Variants in UBR3 observed in about 807,000 individuals in gnomAD.
The protein encoded by UBR3 is ubiquitin protein ligase E3 component n-recognin 3.
In UBR3, 85 loss-of-function variants were observed where a neutral mutation model predicts 243.2. The observed-to-expected ratio is 0.35, with a 90% CI of 0.29 to 0.42. UBR3 has a LOEUF of 0.42. Ranked by LOEUF, UBR3 falls within the 10% of genes least tolerant of loss-of-function variation. The pLI, the probability that UBR3 is intolerant of heterozygous loss-of-function variation, is 1.00. For synonymous variants in UBR3, 748 were observed against 799.8 expected (o/e 0.94, Z 1.09); for missense variants, 1,686 against 2,300.8 (o/e 0.73, Z 5.47).
rs1420576020 is a variant in UBR3 at position 169,877,566 on chromosome 2, C to T, written c.917C>T (p.Thr306Ile). The T allele has an allele frequency of 6.5e-7, 1 of 1,549,564 alleles. No individual in the cohort carries two copies. The highest frequency in any genetic ancestry group is 1.4e-5 in the African/African-American group (1 of 72,902). The change falls in exon 4 of 39, where the codon ACA (threonine) becomes ATA (isoleucine). Residue 306 changes from threonine to isoleucine, a missense_variant. Thr to Ile is a moderately conservative substitution (Grantham distance 89). Coordinates refer to ENST00000272793, the MANE Select transcript of UBR3 (RefSeq NM_172070.4). ...ATAGCTTTAAAGAGCTCTGGACTTA[C>T]ATATCCTGAGGATAAGCTTGTATAT... ...YLIALKSSGL[T>I]YPEDKLVYGV...
rs747378016 is a variant in UBR3, at chr2:169,927,359, C to T, written c.2378C>T (p.Ala793Val). ...GAGATTCTCAGGGCCGAGATGGTAGCCCAGCTGTGTATGAATGACAGGACA... is the reference window on the plus strand; with the variant it reads ...GAGATTCTCAGGGCCGAGATGGTAGTCCAGCTGTGTATGAATGACAGGACA... The part of the protein sequence containing the change: ...DDEILRAEMV[A>V]QLCMNDRTHS... Residue 793 changes from alanine (A) to valine (V), a missense_variant, in exon 17 of 39, where the codon GCC becomes GTC. Around this residue, in one of 8 missense-constraint regions of UBR3, gnomAD observed 346 missense variants for 585.8 expected, o/e 0.59. Transcript: ENST00000272793. 6.4e-7 allele frequency: 1 copy of T among 1,550,976 alleles called. No individual in the cohort carries two copies.
chr2:169,898,046 C>T (rs566829824), intron 8 of UBR3, among the ~76,000 whole-genome samples: 11 of 152,258 alleles, frequency 7.2e-5, no homozygotes, highest in Middle Eastern at 6.8e-3. Flanking sequence ...TATTCTTAAC[C>T]TTGACACAGC....
intron 4 of UBR3, among the ~76,000 whole-genome samples, chr2:169,878,126 C>T (rs950958427): frequency 2.0e-5 from 3 of 152,234 alleles, no homozygotes; most frequent in South Asian, 2.1e-4. Flanking sequence ...TTTGGGAGGC[C>T]GAGGTGGGTG....
At chr2:169,961,687 T>G (rs566200955) in intron 24 of UBR3, among the ~76,000 whole-genome samples, 1 of 152,332 alleles carries the variant, frequency 6.6e-6, no homozygotes, top group South Asian at 2.1e-4. Context: ...GGTGGTAATC[T>G]AATTCTTACA....
chr2:170,015,186 G>A (rs1298426554), intron 29 of UBR3, 95 bp from the exon 30 acceptor site: 2 of 1,033,272 alleles, frequency 1.9e-6, no homozygotes, highest in Admixed American at 2.8e-5. Context: ...TAAAGTTGAA[G>A]AACTTTATTT....
At chr2:169,978,755 C>T (rs1384762554) in intron 24 of UBR3, among the ~76,000 whole-genome samples, 3 of 152,106 alleles carry the variant, frequency 2.0e-5, no homozygotes, top group Non-Finnish European at 4.4e-5. Flanking sequence ...GTCCACTCCC[C>T]ATGGAGAAGG....
intron 5 of UBR3, among the ~76,000 whole-genome samples, chr2:169,879,403 T>A (rs1388012732): frequency 6.6e-6 from 1 of 152,166 alleles, no homozygotes; most frequent in Non-Finnish European, 1.5e-5. Context: ...AATTTTATAG[T>A]TTTTCCCCTC....
At chr2:170,072,880 C>A (rs1379415790) in intron 35 of UBR3, among the ~76,000 whole-genome samples, 1 of 152,096 alleles carries the variant, frequency 6.6e-6, no homozygotes, top group African/African-American at 2.4e-5. Context: ...GATATGAATT[C>A]TTGGTCACTG....
intron 1 of UBR3, among the ~76,000 whole-genome samples, chr2:169,844,492 CTTTTTT>C (rs71006046): frequency 6.3e-5 from 7 of 111,342 alleles, no homozygotes; most frequent in Admixed American, 1.9e-4. Context: ...AACCCTCTCT[CTTTTTT>C]TTTTTTTTTT....
At chr2:169,836,631 G>T (rs2082121623) in intron 1 of UBR3, among the ~76,000 whole-genome samples, 1 of 144,452 alleles carries the variant, frequency 6.9e-6, no homozygotes, top group Admixed American at 6.9e-5. Context: ...ATGTAATTCA[G>T]AACTTAAAAA....
At chr2:169,907,567 G>A (rs16857262) in intron 10 of UBR3, among the ~76,000 whole-genome samples, 22,112 of 151,412 alleles carry the variant, frequency 0.15, 2,142 homozygotes, top group East Asian at 0.44. Flanking sequence ...ACTGGTTTTC[G>A]TGTTTCTAGA....
chr2:170,006,938 G>T (rs1261677657), intron 27 of UBR3, 52 bp from the exon 28 acceptor site: 15 of 1,510,528 alleles, frequency 9.9e-6, no homozygotes, highest in Non-Finnish European at 1.4e-5. Flanking sequence ...TATAATTTTT[G>T]TTTTCTATGA....
At chr2:170,017,038 C>CA (rs1416922706) in intron 30 of UBR3, 1 of 172,034 alleles carries the variant, frequency 5.8e-6, no homozygotes, top group African/African-American at 2.4e-5. Flanking sequence ...TGTATATATG[C>CA]AAAATCCCAC....
intron 14 of UBR3, among the ~76,000 whole-genome samples, chr2:169,926,223 C>T (rs1369804510): frequency 1.3e-5 from 2 of 152,194 alleles, no homozygotes; most frequent in Non-Finnish European, 2.9e-5. Flanking sequence ...AATTAACTGG[C>T]TCTGGGAGGG....
chr2:169,999,166 A>T (rs553401679), intron 26 of UBR3, among the ~76,000 whole-genome samples: 72 of 152,346 alleles, frequency 4.7e-4, no homozygotes, highest in Non-Finnish European at 8.2e-4. Flanking sequence ...TTTTTGTAGT[A>T]TAGTGCCAAA....
intron 4 of UBR3, 21 bp from the exon 5 acceptor site, chr2:169,878,504 T>G: frequency 1.3e-6 from 2 of 1,548,010 alleles, no homozygotes; most frequent in Non-Finnish European, 8.7e-7. Context: ...GAAGGACAAC[T>G]ATTTTTCTTC....
chr2:169,986,234 A>G (rs2088996785), intron 24 of UBR3, among the ~76,000 whole-genome samples: 1 of 152,196 alleles, frequency 6.6e-6, no homozygotes, highest in Non-Finnish European at 1.5e-5. Flanking sequence ...AAATACTACC[A>G]TATTTTCCCA....
intron 5 of UBR3, among the ~76,000 whole-genome samples, chr2:169,882,995 G>T (rs1308388077): frequency 6.6e-6 from 1 of 152,090 alleles, no homozygotes; most frequent in Non-Finnish European, 1.5e-5. Context: ...TGGTCTAAGT[G>T]TTCTTTCTAT....
At chr2:170,022,727 C>G (rs1220840624) in intron 30 of UBR3, among the ~76,000 whole-genome samples, 1 of 151,976 alleles carries the variant, frequency 6.6e-6, no homozygotes, top group Non-Finnish European at 1.5e-5. Flanking sequence ...AATTATTAAA[C>G]TTGTCTTTTA....
Sources: gnomAD v4.1 joint callset for allele counts (sites outside exome capture counted in the v4.1 genomes callset) on GRCh38, gnomAD v4.1.1 for gene constraint, gnomAD v4.1.1 regional missense constraint, MANE v1.5 for transcripts, NCBI Gene and HGNC (gene_info 2026-07-23, HGNC 2026-07-21) for gene names.